The following MTA3 variants were observed in gnomAD, a reference collection of about 807,000 sequenced individuals.
MTA3 encodes metastasis-associated protein MTA3.
Under a neutral mutation model 83.5 loss-of-function variants are expected in MTA3, and 34 were observed. The ratio of observed to expected loss-of-function variants is 0.41; its 90% CI spans 0.31 to 0.54. The LOEUF (loss-of-function observed/expected upper bound fraction) is 0.54. Among genes scored for constraint, MTA3 ranks in the 20% least tolerant of loss-of-function variants. The probability of loss-of-function intolerance (pLI) is 0.33; values close to 1 mark genes in which losing one functional copy is unlikely to be tolerated. For synonymous variants in MTA3, 303 were observed against 252.7 expected (o/e 1.20, Z -1.89); for missense variants, 761 against 726.4 (o/e 1.05, Z -0.55).
chr2:42,681,275 G>C (rs1691877356), intron 8 of MTA3, among the ~76,000 whole-genome samples: 1 of 152,126 alleles, frequency 6.6e-6, no homozygotes, highest in African/African-American at 2.4e-5. Context: ...ACCATATTAA[G>C]ATGAATATGT....
Position 42,754,906 on chromosome 2 carries a change from G to C in MTA3, c.*1507G>C. On this transcript the variant is annotated 3_prime_UTR_variant, in exon 17 of 17. Coordinates refer to ENST00000405094, the MANE Select transcript of MTA3 (RefSeq NM_001330442.2). ...GGAGGGCGGTTTTGCAGACATCTCA[G>C]CTTCTTTTCTGAGGAGGAGTTGGTT... is the stretch of plus-strand genomic sequence containing the variant. 1 of 985,620 alleles carries C rather than the reference G, an allele frequency of 1.0e-6. No individual in the cohort carries two copies. Among genetic ancestry groups the C allele is most frequent in the Non-Finnish European group, 1.2e-6 (1 of 830,096 alleles). 61.1% of individuals were successfully genotyped at this position (985,620 alleles called of 1,614,324 possible).
chr2:42,723,257 G>C (rs1167300039), intron 16 of MTA3: 6 of 539,972 alleles, frequency 1.1e-5, no homozygotes, highest in Non-Finnish European at 1.9e-5. Flanking sequence ...CTCCTGTTAG[G>C]AGGCGTTTTT....
intron 2 of MTA3, among the ~76,000 whole-genome samples, chr2:42,571,386 CAAAAA>C (rs34003791): frequency 2.2e-4 from 14 of 63,804 alleles, no homozygotes; most frequent in Admixed American, 3.8e-4. Flanking sequence ...AACACTGTCT[CAAAAA>C]AAAAAAAAAA....
At chr2:42,700,269 G>A (rs746080124) in intron 11 of MTA3, among the ~76,000 whole-genome samples, 7 of 152,128 alleles carry the variant, frequency 4.6e-5, no homozygotes, top group Admixed American at 1.3e-4. Flanking sequence ...AAAAGGAAGG[G>A]CAATTTCATA....
Position 42,741,867 on chromosome 2 carries a change from C to T in MTA3, c.1760-11507C>T, listed in dbSNP as rs571050531. Among the ~76,000 whole-genome samples, 53 of 152,122 alleles carry T rather than the reference C, an allele frequency of 3.5e-4. No individual in the cohort carries two copies. The South Asian group carries it at 1.0e-2, about 29-fold the overall frequency. On this transcript the variant is annotated intron_variant, in intron 16 of 16. Coordinates refer to ENST00000405094, the MANE Select transcript of MTA3 (RefSeq NM_001330442.2). ...TATTGTAAGAATTACCAAAATGTGA[C>T]GCAGAGACATTAGGTGAGCACGTGC...
chr2:42,555,738 A>C (rs1303715180), intron 2 of MTA3, among the ~76,000 whole-genome samples: 1 of 151,864 alleles, frequency 6.6e-6, no homozygotes, highest in Non-Finnish European at 1.5e-5. Context: ...ACTGCATTCC[A>C]GCCTGCGCAA....
rs1433472108 is a variant in MTA3, at chr2:42,570,870, G to A, written c.96+366G>A. ...TACTAAAAATACAAAAAAAATAGTCGGGCATGGTGGCACATGCCTGTAATC... is the reference window on the plus strand; with the variant it reads ...TACTAAAAATACAAAAAAAATAGTCAGGCATGGTGGCACATGCCTGTAATC... On this transcript the variant is annotated intron_variant, in intron 2 of 16. Coordinates refer to ENST00000405094, the MANE Select transcript of MTA3 (RefSeq NM_001330442.2). 4.0e-5 allele frequency among the ~76,000 whole-genome samples: 6 copies of A among 151,738 alleles called. No individual in the cohort carries two copies. In the East Asian group the frequency reaches 7.7e-4, roughly 20 times the overall value.
At position 42,691,757 on chromosome 2, in the gene MTA3, C is replaced by T. The variant is rs1273250402; in HGVS notation, c.892-4008C>T. ...GTTTGTCAGCAAGTCTTTATTTCTC[C>T]ATCACGTTTGAAGGACATTTTCACT... On this transcript the variant is annotated intron_variant, in intron 9 of 16. Coordinates refer to ENST00000405094, the MANE Select transcript of MTA3 (RefSeq NM_001330442.2). Among the ~76,000 whole-genome samples the T allele has an allele frequency of 1.2e-4, 19 of 152,170 alleles. No homozygotes were observed. The East Asian group carries it at 3.7e-3, about 29-fold the overall frequency.
At chr2:42,499,006 C>T (rs981245657) in intron 2 of MTA3, among the ~76,000 whole-genome samples, 1 of 152,050 alleles carries the variant, frequency 6.6e-6, no homozygotes, top group African/African-American at 2.4e-5. Context: ...TCCCAAGATT[C>T]AGAGTGGTCT....
chr2:42,630,282 G>T (rs991800477), intron 4 of MTA3, among the ~76,000 whole-genome samples: 1 of 152,088 alleles, frequency 6.6e-6, no homozygotes, highest in Non-Finnish European at 1.5e-5. Flanking sequence ...TACATTTCTG[G>T]CCATAACCTG....
At chr2:42,495,323 T>G (rs1674082846) in intron 2 of MTA3, 1 of 152,456 alleles carries the variant, frequency 6.6e-6, no homozygotes, top group Non-Finnish European at 1.5e-5. Context: ...CTGTGAGTTG[T>G]TTATCCCCAG....
At chr2:42,570,872 G>T (rs1004364173) in intron 2 of MTA3, among the ~76,000 whole-genome samples, 3 of 152,036 alleles carry the variant, frequency 2.0e-5, no homozygotes, top group African/African-American at 7.2e-5. Context: ...AAATAGTCGG[G>T]CATGGTGGCA....
chr2:42,738,561 A>G (rs1573813947), intron 16 of MTA3, among the ~76,000 whole-genome samples: 1 of 152,202 alleles, frequency 6.6e-6, no homozygotes, highest in South Asian at 2.1e-4. Context: ...ATTGTACAGC[A>G]TGTGTGTTTG....
At chr2:42,666,567 T>G (rs1313200438) in intron 8 of MTA3, among the ~76,000 whole-genome samples, 1 of 152,210 alleles carries the variant, frequency 6.6e-6, no homozygotes, top group Non-Finnish European at 1.5e-5. Context: ...CCCCACATAG[T>G]TAACTCTGTT....
At chr2:42,630,194 G>A (rs188111620) in intron 4 of MTA3, among the ~76,000 whole-genome samples, 9 of 152,288 alleles carry the variant, frequency 5.9e-5, no homozygotes, top group South Asian at 2.1e-4. Flanking sequence ...CAAGGCTTTC[G>A]TCAGTATCTT....
intron 2 of MTA3, among the ~76,000 whole-genome samples, chr2:42,571,965 G>T (rs1194751953): frequency 6.7e-6 from 1 of 149,132 alleles, no homozygotes; most frequent in African/African-American, 2.5e-5. Flanking sequence ...AAAAAAAATT[G>T]AAGGGAATTT....
At chr2:42,680,478 A>G (rs1691776237) in intron 8 of MTA3, among the ~76,000 whole-genome samples, 1 of 152,228 alleles carries the variant, frequency 6.6e-6, no homozygotes, top group Admixed American at 6.5e-5. Context: ...TTTGCGTAAA[A>G]GGTGCAAGAC....
At position 42,553,735 on chromosome 2, in the gene MTA3, C is replaced by CA. The variant is rs1301653077; in HGVS notation, c.-140-16690dup. Among the ~76,000 whole-genome samples the CA allele has an allele frequency of 2.8e-3, 383 of 135,360 alleles. 5 individuals carry two copies. Among genetic ancestry groups the CA allele is most frequent in the East Asian group, 0.013 (59 of 4,662 alleles). 88.8% of individuals were successfully genotyped at this position (135,360 alleles called of 152,430 possible). ...GGGCAACAAGAGCGAAACTCCATCT[C>CA]AAAAAAAAAAAAGATTGACTCTAAT... On this transcript the variant is annotated intron_variant, in intron 2 of 17. Transcript: ENST00000405592.
At chr2:42,669,205 C>G (rs537290086) in intron 8 of MTA3, among the ~76,000 whole-genome samples, 27 of 151,844 alleles carry the variant, frequency 1.8e-4, no homozygotes, top group Admixed American at 3.3e-4. Context: ...CTGCCTCAGC[C>G]TCCTGAATAT....
Sources: gnomAD v4.1 joint callset for allele counts (sites outside exome capture counted in the v4.1 genomes callset) on GRCh38, gnomAD v4.1.1 for gene constraint, MANE v1.5 for transcripts, NCBI Gene and HGNC (gene_info 2026-07-23, HGNC 2026-07-21) for gene names.